Variants in VIPR2 observed in about 807,000 individuals in gnomAD.
The protein encoded by VIPR2 is vasoactive intestinal peptide receptor 2.
A neutral mutation model predicts 58.0 loss-of-function variants in VIPR2; 48 were observed. The ratio of observed to expected loss-of-function variants is 0.83; its 90% CI spans 0.66 to 1.05. VIPR2 has a LOEUF of 1.05. Among genes scored for constraint, VIPR2 ranks in the 50% least tolerant of loss-of-function variants. The pLI is 0.00. For synonymous variants in VIPR2, 243 were observed against 235.2 expected, an observed-to-expected ratio of 1.03 and a Z score of -0.30; for missense variants, 534 against 558.0, an observed-to-expected ratio of 0.96 and a Z score of 0.43.
At chr7:159,141,339 C>T (rs963811992) in intron 2 of VIPR2, among the ~76,000 whole-genome samples, 2 of 152,256 alleles carry the variant, frequency 1.3e-5, no homozygotes, top group Non-Finnish European at 2.9e-5. Flanking sequence ...TCTTTACAGC[C>T]GGAAGAAGCC....
intron 3 of VIPR2, among the ~76,000 whole-genome samples, chr7:159,105,529 G>C (rs956225501): frequency 6.6e-6 from 1 of 152,200 alleles, no homozygotes; most frequent in African/African-American, 2.4e-5. Flanking sequence ...GAGGCAGAGA[G>C]AGGGCCGGGC....
At chr7:159,132,010 A>G in intron 2 of VIPR2, among the ~76,000 whole-genome samples, 1 of 152,242 alleles carries the variant, frequency 6.6e-6, no homozygotes, top group Non-Finnish European at 1.5e-5. Context: ...GCAGCTGTGC[A>G]AGTGTAACCA....
chr7:159,030,836 G>A (rs1371925156), intron 12 of VIPR2, 47 bp from the exon 13 acceptor site: 3 of 1,466,668 alleles, frequency 2.0e-6, no homozygotes, highest in South Asian at 1.4e-5. Context: ...GGGCAGGTGC[G>A]GGCGGCTGCT....
At chr7:159,141,053 G>A (rs1303070859) in intron 2 of VIPR2, among the ~76,000 whole-genome samples, 1 of 152,164 alleles carries the variant, frequency 6.6e-6, no homozygotes, top group African/African-American at 2.4e-5. Flanking sequence ...TTGGAGGTGA[G>A]GAGGGCAACC....
chr7:159,034,060 TG>T (rs1199797373), intron 10 of VIPR2, among the ~76,000 whole-genome samples, 152 bp downstream of exon 10: 1 of 152,152 alleles, frequency 6.6e-6, no homozygotes, highest in Non-Finnish European at 1.5e-5. Flanking sequence ...CTCTGAGCCT[TG>T]GGCAGGAGCA....
At chr7:159,067,475 C>T (rs565162720) in intron 4 of VIPR2, among the ~76,000 whole-genome samples, 25 of 152,290 alleles carry the variant, frequency 1.6e-4, no homozygotes, top group Admixed American at 3.9e-4. Flanking sequence ...GAGCTGGCGC[C>T]GGCCTGACAC....
chr7:159,093,475 TC>T lies in VIPR2; in HGVS notation c.357+10281del, dbSNP rs1857618757. Among the ~76,000 whole-genome samples the T allele has an allele frequency of 2.0e-5, 3 of 152,294 alleles. No individual in the cohort carries two copies. Among genetic ancestry groups the T allele is most frequent in the Admixed American group, 6.5e-5 (1 of 15,302 alleles). ...CTCACTGCCGGAAGTGAGGAGCCTCTCCAACTCACTCAGGGGAGATTTTTAA... is the reference window on the plus strand; with the variant it reads ...CTCACTGCCGGAAGTGAGGAGCCTCTCAACTCACTCAGGGGAGATTTTTAA... On this transcript the variant is annotated intron_variant, in intron 4 of 12. Coordinates refer to ENST00000262178, the MANE Select transcript of VIPR2 (RefSeq NM_003382.5). The surrounding 1 kb of genome is among the most constrained non-coding windows in gnomAD (Gnocchi z 6.7).
intron 2 of VIPR2, chr7:159,116,972 A>G (rs1159389806): frequency 4.1e-6 from 1 of 246,706 alleles, no homozygotes; most frequent in African/African-American, 2.3e-5. Context: ...TGTCAATGAC[A>G]TAAACATCAA....
chr7:159,056,507 T>C (rs902102296), intron 5 of VIPR2, among the ~76,000 whole-genome samples: 12 of 152,046 alleles, frequency 7.9e-5, no homozygotes, highest in African/African-American at 2.4e-4. Context: ...ACTGGAACCG[T>C]CTCTGTCAGT....
chr7:159,052,949 A>ACT (rs1855092966), intron 5 of VIPR2, among the ~76,000 whole-genome samples: 1 of 152,210 alleles, frequency 6.6e-6, no homozygotes, highest in Non-Finnish European at 1.5e-5. Flanking sequence ...GAAAGCTTTC[A>ACT]CTCTGAGTTC....
chr7:159,106,215 T>C (rs1047143122), intron 3 of VIPR2, among the ~76,000 whole-genome samples: 1 of 152,210 alleles, frequency 6.6e-6, no homozygotes, highest in Admixed American at 6.5e-5. Flanking sequence ...AGATCAGTGT[T>C]TACCAATCCA....
Position 159,066,167 on chromosome 7 carries a change from T to C in VIPR2, c.358-7589A>G, listed in dbSNP as rs114171476. On this transcript the variant is annotated intron_variant, in intron 4 of 12. Transcript: ENST00000262178. ...GATTCCAGGATGCCTGCTCCCACACTGTCCGTGGGATTCCAGGATGCCTGC... is the reference window on the plus strand; with the variant it reads ...GATTCCAGGATGCCTGCTCCCACACCGTCCGTGGGATTCCAGGATGCCTGC... Among the ~76,000 whole-genome samples, 1,090 of 140,624 alleles carry C rather than the reference T, an allele frequency of 7.8e-3. 13 individuals carry two copies. Among genetic ancestry groups the C allele is most frequent in the African/African-American group, 0.027 (1,013 of 37,068 alleles). The allele number at this position is 140,624 out of a possible 152,430, so 92.3% of individuals were successfully genotyped here. A position where few individuals can be genotyped will look rare whatever the true frequency, so the allele number is the denominator to read the frequency against.
At chr7:159,034,853 G>T (rs922856806) in intron 8 of VIPR2, among the ~76,000 whole-genome samples, 3 of 152,146 alleles carry the variant, frequency 2.0e-5, no homozygotes, top group Non-Finnish European at 2.9e-5. Context: ...GTCGGCTTGT[G>T]GGGAGGAGGA....
intron 4 of VIPR2, among the ~76,000 whole-genome samples, chr7:159,100,134 A>C (rs1858117643): frequency 6.6e-6 from 1 of 151,948 alleles, no homozygotes; most frequent in East Asian, 1.9e-4. Flanking sequence ...CCTTCAACCC[A>C]CTCAGGGAGG....
At chr7:159,076,401 A>G (rs1856639693) in intron 4 of VIPR2, among the ~76,000 whole-genome samples, 1 of 152,210 alleles carries the variant, frequency 6.6e-6, no homozygotes, top group Non-Finnish European at 1.5e-5. Flanking sequence ...AGACAAACTG[A>G]TTCTCCAAAA....
chr7:159,144,366 G>A, intron 1 of VIPR2: 2 of 1,541,686 alleles, frequency 1.3e-6, no homozygotes, highest in African/African-American at 1.4e-5. Flanking sequence ...CGTGAAACGC[G>A]CAGCCCGCGC....
chr7:159,102,186 C>CCCCGACTGTTCCTGTGGTAGCG (rs1858338356), intron 4 of VIPR2, among the ~76,000 whole-genome samples: 1 of 151,054 alleles, frequency 6.6e-6, no homozygotes, highest in African/African-American at 2.4e-5. Context: ...GAGGCGGTTC[C>CCCCGACTGTTCCTGTGGTAGCG]AACTGTTCCT....
intron 2 of VIPR2, chr7:159,117,267 A>C: frequency 1.4e-6 from 1 of 716,436 alleles, no homozygotes; most frequent in Non-Finnish European, 2.6e-6. Flanking sequence ...TGTATACCAC[A>C]CACGAGGCTT....
Position 159,095,145 on chromosome 7 carries a change from C to T in VIPR2, c.357+8612G>A, listed in dbSNP as rs773748199. On this transcript the variant is annotated intron_variant, in intron 4 of 12. Coordinates refer to ENST00000262178, the MANE Select transcript of VIPR2 (RefSeq NM_003382.5). This position sits in a 1 kb window ranked among gnomAD's most constrained non-coding sequence, Gnocchi z 5.2. ...GGGGAGCCACCACAACCACACACAG[C>T]GCACTATCCTGGCCTGGAGTCTATG... Among the ~76,000 whole-genome samples, 37 of 152,280 alleles carry T rather than the reference C, an allele frequency of 2.4e-4. No homozygotes were observed. Among genetic ancestry groups the T allele is most frequent in the Non-Finnish European group, 4.0e-4 (27 of 68,018 alleles).
Sources: allele counts gnomAD v4.1 joint callset (sites outside exome capture counted in the v4.1 genomes callset), GRCh38; gene constraint gnomAD v4.1.1; non-coding constraint Gnocchi (gnomAD v3.1); transcripts MANE v1.5; gene names NCBI Gene and HGNC (gene_info 2026-07-23, HGNC 2026-07-21).